Variants in CDH13 observed in about 807,000 individuals in gnomAD.
CDH13 encodes the protein cadherin-13.
A neutral mutation model predicts 63.8 loss-of-function variants in CDH13; 24 were observed. The ratio of observed to expected loss-of-function variants is 0.38; its 90% CI spans 0.27 to 0.53. The LOEUF (loss-of-function observed/expected upper bound fraction) is 0.53, where lower values mean the gene tolerates loss of function less well. Ranked by LOEUF, CDH13 falls within the 20% of genes least tolerant of loss-of-function variation. The probability of loss-of-function intolerance (pLI) is 0.85; values close to 1 mark genes in which losing one functional copy is unlikely to be tolerated. For missense variants in CDH13, 1,049 were observed against 903.1 expected, an observed-to-expected ratio of 1.16 and a Z score of -2.07; for synonymous variants, 503 against 355.3, an observed-to-expected ratio of 1.42 and a Z score of -4.67.
intron 1 of CDH13, among the ~76,000 whole-genome samples, chr16:82,665,072 G>T (rs1006396009): frequency 1.3e-5 from 2 of 152,174 alleles, no homozygotes; most frequent in Non-Finnish European, 2.9e-5. Context: ...TGAATCATAT[G>T]ATGTATATGC....
intron 7 of CDH13, among the ~76,000 whole-genome samples, chr16:83,583,701 A>C (rs1598328863): frequency 6.6e-6 from 1 of 151,638 alleles, no homozygotes; most frequent in Non-Finnish European, 1.5e-5. Flanking sequence ...TGAGGTCAGG[A>C]GTTTGAGACC....
chr16:83,699,195 G>A (rs936565138), intron 10 of CDH13, among the ~76,000 whole-genome samples: 1 of 152,210 alleles, frequency 6.6e-6, no homozygotes, highest in Non-Finnish European at 1.5e-5. Flanking sequence ...CAGATGAAAG[G>A]TGACCTAAGC....
At chr16:83,376,077 C>T (rs944824940) in intron 6 of CDH13, among the ~76,000 whole-genome samples, 1 of 152,110 alleles carries the variant, frequency 6.6e-6, no homozygotes, top group East Asian at 1.9e-4. Flanking sequence ...CTTACTTATT[C>T]CTTGGCTCTG....
chr16:83,137,797 C>G (rs1206016420), intron 4 of CDH13, among the ~76,000 whole-genome samples: 1 of 152,024 alleles, frequency 6.6e-6, no homozygotes, highest in Non-Finnish European at 1.5e-5. Flanking sequence ...ATTACTAGTC[C>G]AAGTTTTGAA....
intron 8 of CDH13, among the ~76,000 whole-genome samples, chr16:83,603,899 A>T (rs1382856667): frequency 6.6e-6 from 1 of 152,214 alleles, no homozygotes; most frequent in African/African-American, 2.4e-5. Flanking sequence ...AGAGGAAGCC[A>T]GCACATCTTC....
chr16:83,670,794 A>C lies in CDH13; in HGVS notation c.1106A>C (p.Gln369Pro). 1 of 1,613,932 alleles carries C rather than the reference A, an allele frequency of 6.2e-7. No homozygotes were observed. The highest frequency in any genetic ancestry group is 8.5e-7 in the Non-Finnish European group (1 of 1,179,816). ...HSPKFTKKEF[Q>P]ATVEEGAVGV... ...TACCATCTGCTTTGTTTGCAGTTTC[A>C]AGCCACAGTCGAGGAAGGAGCTGTG... The change falls in exon 9 of 14, where the codon CAA becomes CCA. Residue 369 changes from glutamine to proline, a missense_variant. Gln to Pro is a moderately conservative substitution (Grantham distance 76, BLOSUM62 -1). Transcript: ENST00000567109.
chr16:83,420,618 C>G (rs1394477241), intron 6 of CDH13, among the ~76,000 whole-genome samples: 1 of 152,132 alleles, frequency 6.6e-6, no homozygotes, highest in Non-Finnish European at 1.5e-5. Flanking sequence ...AGGGACAGAG[C>G]TAATAGGATA....
chr16:83,052,501 C>T (rs1489888855), intron 3 of CDH13, among the ~76,000 whole-genome samples: 1 of 152,150 alleles, frequency 6.6e-6, no homozygotes, highest in Non-Finnish European at 1.5e-5. Flanking sequence ...AAAACCTTGG[C>T]TGTTGTGGTG....
chr16:83,574,728 C>G (rs573251028), intron 7 of CDH13, among the ~76,000 whole-genome samples: 93 of 152,244 alleles, frequency 6.1e-4, no homozygotes, highest in African/African-American at 2.0e-3. Flanking sequence ...CCAAGTCATA[C>G]CAGGCCCTGT....
rs201195984 is a variant in CDH13 at position 83,051,785 on chromosome 16, TGTC to T, written c.366+19568_366+19570del. 8.3e-3 allele frequency among the ~76,000 whole-genome samples: 1,267 copies of T among 152,322 alleles called. 13 individuals carry two copies. The highest frequency in any genetic ancestry group is 0.029 in the African/African-American group (1,202 of 41,556). On this transcript the variant is annotated intron_variant, in intron 3 of 13. Transcript: ENST00000567109. ...TTGTATTATCCATCACATTATTTGT[TGTC>T]TTATGAAGGATGAAGTGTTCAAATC...
chr16:83,219,346 A>C (rs7184565), intron 5 of CDH13, among the ~76,000 whole-genome samples: 18,111 of 152,276 alleles, frequency 0.12, 1,439 homozygotes, highest in Middle Eastern at 0.18. Flanking sequence ...ATATTACGGT[A>C]GTTAAAAGCA....
chr16:83,702,550 C>A (rs1269951941), intron 10 of CDH13, among the ~76,000 whole-genome samples: 1 of 152,162 alleles, frequency 6.6e-6, no homozygotes, highest in African/African-American at 2.4e-5. Context: ...TTTGCTCTAT[C>A]CTAATCTAGC....
chr16:83,447,060 AAAAAAAAAAAAAAAC>A (rs2072714570), intron 6 of CDH13, among the ~76,000 whole-genome samples: 1 of 141,238 alleles, frequency 7.1e-6, no homozygotes, highest in South Asian at 2.2e-4. Flanking sequence ...TCTTAAAAAA[AAAAAAAAAAAAAAAC>A]AAAAAACACC....
intron 5 of CDH13, among the ~76,000 whole-genome samples, chr16:83,301,391 T>C (rs2089740733): frequency 6.6e-6 from 1 of 152,142 alleles, no homozygotes; most frequent in Non-Finnish European, 1.5e-5. Flanking sequence ...CCTCCCTCTC[T>C]GTGATTTTCC....
intron 1 of CDH13, among the ~76,000 whole-genome samples, chr16:82,735,216 C>A (rs770593822): frequency 6.6e-6 from 1 of 152,234 alleles, no homozygotes; most frequent in Non-Finnish European, 1.5e-5. Context: ...TCATCCATGA[C>A]AGTCTTTGCT....
chr16:83,419,927 T>TAA (rs60157875), intron 6 of CDH13, among the ~76,000 whole-genome samples: 1 of 147,948 alleles, frequency 6.8e-6, no homozygotes, highest in South Asian at 2.2e-4. Context: ...TTTTTTTTTT[T>TAA]AAAAAAAAGT....
At chr16:82,735,955 T>A (rs1378362447) in intron 1 of CDH13, among the ~76,000 whole-genome samples, 3 of 152,184 alleles carry the variant, frequency 2.0e-5, no homozygotes, top group Non-Finnish European at 4.4e-5. Flanking sequence ...CTAGGCTGAT[T>A]TAGAGGTTTC....
At chr16:83,094,101 C>A (rs13380542) in intron 3 of CDH13, among the ~76,000 whole-genome samples, 2 of 152,130 alleles carry the variant, frequency 1.3e-5, no homozygotes, top group African/African-American at 2.4e-5. Flanking sequence ...GCAATTAATC[C>A]TCATTGTTGT....
chr16:83,072,366 A>C (rs1167905542), intron 3 of CDH13, among the ~76,000 whole-genome samples: 1 of 152,228 alleles, frequency 6.6e-6, no homozygotes, highest in Non-Finnish European at 1.5e-5. Context: ...GAAATAATGC[A>C]TATGTTGGGC....
Sources: allele counts gnomAD v4.1 joint callset (sites outside exome capture counted in the v4.1 genomes callset), GRCh38; gene constraint gnomAD v4.1.1; transcripts MANE v1.5; gene names NCBI Gene and HGNC (gene_info 2026-07-23, HGNC 2026-07-21).